The following NRXN1 variants were observed in gnomAD, a reference collection of about 807,000 sequenced individuals.
The protein encoded by NRXN1 is neurexin 1.
A neutral mutation model predicts 150.9 loss-of-function variants in NRXN1; 39 were observed. The observed-to-expected ratio is 0.26, with a 90% confidence interval of 0.20 to 0.34. The LOEUF (loss-of-function observed/expected upper bound fraction) is 0.34, where lower values mean the gene tolerates loss of function less well. NRXN1 is among the 10% of genes least tolerant of loss of function. The pLI is 1.00. For missense variants in NRXN1, 1,815 were observed against 1,949.9 expected (o/e 0.93, Z 1.30); for synonymous variants, 924 against 757.0 (o/e 1.22, Z -3.62).
In NRXN1 at chr2:50,805,465, G is replaced by A. The variant is rs540596396; in HGVS notation, c.832+116404C>T. 2.0e-5 allele frequency among the ~76,000 whole-genome samples: 3 copies of A among 152,172 alleles called. No homozygotes were observed. The South Asian group carries it at 6.2e-4, about 32-fold the overall frequency. On this transcript the variant is annotated intron_variant, in intron 5 of 22. Transcript: ENST00000401669. The stretch of plus-strand genomic sequence containing the variant: ...AGGCCAGGAATTCGAGACCAGCCTG[G>A]CCGACATGGCAAACCCCATCATTAC...
chr2:50,463,866 C>A (rs1026294103), intron 17 of NRXN1: 4 of 151,624 alleles, frequency 2.6e-5, no homozygotes, highest in African/African-American at 9.7e-5. Context: ...CTCTCAACTA[C>A]CACATGTAGT....
rs191642950 is a variant in NRXN1, at chr2:49,961,757, T to C, written c.4129-17966A>G. 1.5e-4 allele frequency among the ~76,000 whole-genome samples: 23 copies of C among 152,328 alleles called. No individual in the cohort carries two copies. The East Asian group carries it at 4.3e-3, about 28-fold the overall frequency. The stretch of plus-strand genomic sequence containing the variant: ...AAATAAATGCTCTTCTACTCTTTAA[T>C]AGCCAGATTTACTTCCAAAGGTGAG... On this transcript the variant is annotated intron_variant, in intron 21 of 22. Transcript: ENST00000401669.
At chr2:50,438,783 T>C (rs924290743) in intron 17 of NRXN1, among the ~76,000 whole-genome samples, 3 of 152,198 alleles carry the variant, frequency 2.0e-5, no homozygotes, top group Non-Finnish European at 2.9e-5. Flanking sequence ...ATATTTGGTA[T>C]ATATGCTTTA....
chr2:50,173,528 C>T (rs572622158), intron 18 of NRXN1, among the ~76,000 whole-genome samples: 1 of 152,212 alleles, frequency 6.6e-6, no homozygotes, highest in Admixed American at 6.5e-5. Context: ...ACAAGAAAAC[C>T]AGTTTAAAAC....
chr2:50,383,689 C>T (rs2081127749), intron 17 of NRXN1, among the ~76,000 whole-genome samples: 1 of 152,136 alleles, frequency 6.6e-6, no homozygotes, highest in Non-Finnish European at 1.5e-5. Flanking sequence ...GGTCCTGGTA[C>T]TCCCTGAAAA....
rs548456144 is a variant in NRXN1 at position 50,316,059 on chromosome 2, G to C, written c.3365-79089C>G. On this transcript the variant is annotated intron_variant, in intron 17 of 22. Transcript: ENST00000401669. Reference sequence around the variant, plus strand: ...GATAATGCTTAAGAAAGGAGAAAATGATTACAGTATGGAGAAACAGAGCCT... The same window carrying C: ...GATAATGCTTAAGAAAGGAGAAAATCATTACAGTATGGAGAAACAGAGCCT... Among the ~76,000 whole-genome samples the C allele has an allele frequency of 5.9e-5, 9 of 152,142 alleles. No homozygotes were observed. In the East Asian group the frequency reaches 1.5e-3, roughly 26 times the overall value.
At chr2:50,104,798 C>T (rs1377923396) in intron 18 of NRXN1, among the ~76,000 whole-genome samples, 1 of 151,976 alleles carries the variant, frequency 6.6e-6, no homozygotes, top group East Asian at 1.9e-4. Flanking sequence ...GGAAGTCCAA[C>T]ATGCTTACAA....
intron 21 of NRXN1, among the ~76,000 whole-genome samples, chr2:49,960,522 T>C (rs1675742157): frequency 6.6e-6 from 1 of 152,130 alleles, no homozygotes; most frequent in African/African-American, 2.4e-5. Context: ...TCACATTAAT[T>C]TCCTCATTCA....
chr2:50,828,228 G>A (rs1249148934), intron 5 of NRXN1, among the ~76,000 whole-genome samples: 1 of 150,252 alleles, frequency 6.7e-6, no homozygotes, highest in African/African-American at 2.4e-5. Context: ...GCCGGGCAGA[G>A]GCACCCCTCA....
At chr2:50,692,836 G>T (rs1176094222) in intron 5 of NRXN1, among the ~76,000 whole-genome samples, 3 of 151,980 alleles carry the variant, frequency 2.0e-5, no homozygotes, top group African/African-American at 7.3e-5. Flanking sequence ...ATCAATCATT[G>T]TTTCTTCATC....
At chr2:50,648,492 C>T (rs1325866225) in intron 5 of NRXN1, among the ~76,000 whole-genome samples, 2 of 151,958 alleles carry the variant, frequency 1.3e-5, no homozygotes, top group Non-Finnish European at 2.9e-5. Context: ...TTATCATAGG[C>T]TTGTCTTCTG....
At chr2:50,495,823 C>G in intron 15 of NRXN1, 82 bp downstream of exon 15, 1 of 1,245,758 alleles carries the variant, frequency 8.0e-7, no homozygotes, top group Non-Finnish European at 1.1e-6. Context: ...AAGGTACAAA[C>G]ACACCCCTAA....
At chr2:50,941,212 A>G (rs1158308900) in intron 2 of NRXN1, among the ~76,000 whole-genome samples, 1 of 152,156 alleles carries the variant, frequency 6.6e-6, no homozygotes, top group African/African-American at 2.4e-5. Flanking sequence ...TAGAACTCTG[A>G]GTCAATTTAA....
At chr2:50,422,481 T>C (rs547366991) in intron 17 of NRXN1, among the ~76,000 whole-genome samples, 1 of 152,280 alleles carries the variant, frequency 6.6e-6, no homozygotes, top group African/African-American at 2.4e-5. Context: ...AAGAAATATC[T>C]GGACATCGAA....
intron 18 of NRXN1, among the ~76,000 whole-genome samples, chr2:50,199,452 A>G (rs781016388): frequency 2.0e-5 from 3 of 152,120 alleles, no homozygotes; most frequent in Non-Finnish European, 4.4e-5. Context: ...ATTATGGTTT[A>G]CACAAGAAAC....
intron 17 of NRXN1, among the ~76,000 whole-genome samples, chr2:50,340,827 G>C (rs1392854502): frequency 6.6e-6 from 1 of 152,148 alleles, no homozygotes; most frequent in Non-Finnish European, 1.5e-5. Flanking sequence ...AACATAAATT[G>C]TGTTTTTTTC....
intron 5 of NRXN1, among the ~76,000 whole-genome samples, chr2:50,748,591 A>G (rs1376904253): frequency 3.3e-5 from 5 of 152,052 alleles, no homozygotes; most frequent in Admixed American, 3.3e-4. Context: ...TCCCTCCAAC[A>G]GTTTACAGGG....
intron 3 of NRXN1, among the ~76,000 whole-genome samples, chr2:50,923,828 G>A (rs1686457042): frequency 1.3e-5 from 2 of 151,740 alleles, no homozygotes; most frequent in East Asian, 2.0e-4. Flanking sequence ...TATCTGTGTT[G>A]TTTTCTTAAA....
intron 21 of NRXN1, among the ~76,000 whole-genome samples, chr2:49,983,164 C>T (rs925200551): frequency 6.6e-6 from 1 of 152,102 alleles, no homozygotes; most frequent in Non-Finnish European, 1.5e-5. Flanking sequence ...ATTTGGGACA[C>T]TTATTCAAAT....
Sources: allele counts gnomAD v4.1 joint callset (sites outside exome capture counted in the v4.1 genomes callset), GRCh38; gene constraint gnomAD v4.1.1; transcripts MANE v1.5; gene names NCBI Gene and HGNC (gene_info 2026-07-23, HGNC 2026-07-21).